RFC2: variants seen among roughly 807,000 people sequenced by gnomAD.
The protein encoded by RFC2 is replication factor C subunit 2, also known as A1 40 kDa subunit.
In RFC2, 34 loss-of-function variants were observed where a neutral mutation model predicts 44.8. The observed-to-expected ratio is 0.76, with a 90% CI of 0.58 to 1.01. The LOEUF (loss-of-function observed/expected upper bound fraction) is 1.01, where lower values mean the gene tolerates loss of function less well. Among genes scored for constraint, RFC2 ranks in the 50% least tolerant of loss-of-function variants. The pLI is 0.00. For synonymous variants in RFC2, 177 were observed against 168.9 expected (o/e 1.05, Z -0.37); for missense variants, 400 against 453.6 (o/e 0.88, Z 1.07).
intron 1 of RFC2, among the ~76,000 whole-genome samples, chr7:74,253,180 C>A (rs1053408865): frequency 6.6e-5 from 10 of 152,004 alleles, no homozygotes; most frequent in African/African-American, 2.4e-4. Flanking sequence ...AACATGGGTG[C>A]AACCAAGCTC....
At chr7:74,250,756 A>C (rs1786884573) in intron 2 of RFC2, among the ~76,000 whole-genome samples, 3 of 151,576 alleles carry the variant, frequency 2.0e-5, no homozygotes, top group Admixed American at 1.3e-4. Context: ...CCATCCTGTA[A>C]CCACGACCAC....
At chr7:74,247,512 C>T (rs185359972) in intron 4 of RFC2, among the ~76,000 whole-genome samples, 13 of 152,312 alleles carry the variant, frequency 8.5e-5, no homozygotes, top group East Asian at 1.9e-4. Context: ...TGCCCGCGCA[C>T]GCCTGTAGTC....
chr7:74,240,070 G>C lies in RFC2; in HGVS notation c.561C>G (p.Val187=). 2 of 1,614,062 alleles carry C rather than the reference G, an allele frequency of 1.2e-6. No individual in the cohort carries two copies. Among genetic ancestry groups the C allele is most frequent in the Non-Finnish European group, 8.5e-7 (1 of 1,179,992 alleles). ...CGTCGGTCAGCTTTGTGTACCGGAG[G>C]ACTGCACAGCGGGACTGAATGGGCT... ...IIEPIQSRCA[V]LRYTKLTDAQ... is the part of the protein sequence containing the mutation. The change falls in exon 7 of 11, where the codon GTC becomes GTG. Residue 187 remains valine, a synonymous_variant. Transcript: ENST00000055077.
chr7:74,239,848 CT>C, intron 7 of RFC2, 89 bp downstream of exon 7: 1 of 1,245,584 alleles, frequency 8.0e-7, no homozygotes, highest in Non-Finnish European at 1.1e-6. Context: ...CTTGTTGTAC[CT>C]TGTGCAGCTG....
chr7:74,248,256 C>A (rs73129391), intron 4 of RFC2, among the ~76,000 whole-genome samples: 5 of 151,884 alleles, frequency 3.3e-5, no homozygotes, highest in Non-Finnish European at 7.4e-5. Context: ...GTAATCCAAG[C>A]ACTTTGGGAG....
In RFC2 at chr7:74,246,059, G is replaced by C. The variant is rs182488463; in HGVS notation, c.434+603C>G. Among the ~76,000 whole-genome samples, 492 of 152,086 alleles carry C rather than the reference G, an allele frequency of 3.2e-3. 2 individuals are homozygous for C. Among genetic ancestry groups the C allele is most frequent in the African/African-American group, 0.011 (471 of 41,476 alleles). ...AAAATACAAAAAATCAGCTGGGCGT[G>C]GTGGTGCATGCCTGTAGTCTCAGCT... On this transcript the variant is annotated intron_variant, in intron 5 of 10. Coordinates refer to ENST00000055077, the MANE Select transcript of RFC2 (RefSeq NM_181471.3).
At chr7:74,241,043 G>A (rs1184504286) in intron 6 of RFC2, among the ~76,000 whole-genome samples, 1 of 152,110 alleles carries the variant, frequency 6.6e-6, no homozygotes, top group Non-Finnish European at 1.5e-5. Context: ...TGATTCTCCT[G>A]TCTCAGCCTC....
chr7:74,252,187 C>T (rs1462042788), intron 2 of RFC2, among the ~76,000 whole-genome samples: 2 of 146,290 alleles, frequency 1.4e-5, no homozygotes, highest in African/African-American at 5.1e-5. Flanking sequence ...GCGGGAGGAT[C>T]ATGAGGTCAG....
At chr7:74,247,589 G>A (rs1303205974) in intron 4 of RFC2, among the ~76,000 whole-genome samples, 2 of 152,136 alleles carry the variant, frequency 1.3e-5, no homozygotes, top group Non-Finnish European at 2.9e-5. Context: ...ATGGTGAGTC[G>A]AGATCGTGCC....
At chr7:74,251,806 A>C (rs1786973933) in intron 2 of RFC2, among the ~76,000 whole-genome samples, 1 of 140,672 alleles carries the variant, frequency 7.1e-6, no homozygotes, top group Non-Finnish European at 1.5e-5. Flanking sequence ...TCAAAAAAAA[A>C]AAAAAAAAAG....
At position 74,237,361 on chromosome 7, in the gene RFC2, C is replaced by T. The variant is rs782632494; in HGVS notation, c.840+1G>A. 6.2e-6 allele frequency: 10 copies of T among 1,602,742 alleles called. No individual in the cohort carries two copies. The South Asian group carries it at 1.1e-4, about 18-fold the overall frequency. On this transcript the variant is annotated splice_donor_variant, in intron 9 of 10. Coordinates refer to ENST00000055077, the MANE Select transcript of RFC2 (RefSeq NM_181471.3). LOFTEE classifies it high-confidence loss of function. ...GCCAGGACGGGGGGAAGGAGGCCAA[C>T]CTTGTAGGCTTCGTCAATGTTGGCA...
In RFC2 at chr7:74,249,014, G is replaced by A. The variant is rs1803780326; in HGVS notation, c.330C>T (p.Asp110=). The change falls in exon 4 of 11, where the codon GAC becomes GAT. Residue 110 remains aspartate, a splice_region_variant and synonymous_variant. Coordinates refer to ENST00000055077, the MANE Select transcript of RFC2 (RefSeq NM_181471.3). ...ACAGGTCTGACTCTAAGACCTACCT[G>A]TCATTTGAAGCATTGAGTTCCAACA... The part of the protein sequence containing the change: ...DAMLELNASN[D]RGIDVVRNKI... 1.9e-6 allele frequency: 3 copies of A among 1,610,704 alleles called. No homozygotes were observed. Among genetic ancestry groups the A allele is most frequent in the Non-Finnish European group, 2.5e-6 (3 of 1,177,242 alleles).
At chr7:74,246,640 T>C in intron 5 of RFC2, 22 bp downstream of exon 5, 1 of 1,486,492 alleles carries the variant, frequency 6.7e-7, no homozygotes, top group Non-Finnish European at 9.3e-7. Context: ...AAGGTCAAAA[T>C]ACATTTGGCA....
chr7:74,235,013 C>A (rs1228620893), intron 10 of RFC2, among the ~76,000 whole-genome samples: 1 of 152,122 alleles, frequency 6.6e-6, no homozygotes, highest in Non-Finnish European at 1.5e-5. Context: ...GGCCTGTGAG[C>A]AGAGAAAGCG....
At chr7:74,244,810 A>G (rs1301163476) in intron 5 of RFC2, among the ~76,000 whole-genome samples, 1 of 151,744 alleles carries the variant, frequency 6.6e-6, no homozygotes, top group African/African-American at 2.4e-5. Flanking sequence ...CCTGTGAAAA[A>G]AAAAATAGCT....
At chr7:74,253,222 CTT>C (rs537519473) in intron 1 of RFC2, among the ~76,000 whole-genome samples, 52 of 140,142 alleles carry the variant, frequency 3.7e-4, no homozygotes, top group Non-Finnish European at 3.1e-4. Flanking sequence ...AGTTTCTTTT[CTT>C]TTTTTTTTTT....
chr7:74,243,118 C>G, intron 6 of RFC2, 28 bp downstream of exon 6: 1 of 1,474,610 alleles, frequency 6.8e-7, no homozygotes, highest in Non-Finnish European at 9.5e-7. Context: ...CACCACGTGG[C>G]CCCCAGCCAC....
chr7:74,245,859 G>T (rs965637250), intron 5 of RFC2, among the ~76,000 whole-genome samples: 2 of 151,828 alleles, frequency 1.3e-5, no homozygotes, highest in Non-Finnish European at 2.9e-5. Flanking sequence ...TCAGGAGTTC[G>T]AGACCAGCCT....
intron 4 of RFC2, among the ~76,000 whole-genome samples, chr7:74,248,689 A>T (rs1158717868): frequency 1.3e-5 from 2 of 151,906 alleles, no homozygotes; most frequent in Non-Finnish European, 2.9e-5. Flanking sequence ...TTTAGTGGAG[A>T]CGGGGTTTCA....
Sources: gnomAD v4.1 joint callset for allele counts (sites outside exome capture counted in the v4.1 genomes callset) on GRCh38, gnomAD v4.1.1 for gene constraint, MANE v1.5 for transcripts, NCBI Gene and HGNC (gene_info 2026-07-23, HGNC 2026-07-21) for gene names.